The following GRM4 variants were observed in gnomAD, a reference collection of about 807,000 sequenced individuals.
GRM4 encodes the protein metabotropic glutamate receptor 4.
In GRM4, 28 loss-of-function variants were observed where a neutral mutation model predicts 81.7. The observed-to-expected ratio is 0.34, with a 90% CI of 0.25 to 0.47. GRM4 has a LOEUF of 0.47. GRM4 is among the 20% of genes least tolerant of loss of function. GRM4 has a pLI of 1.00. For synonymous variants in GRM4, 488 were observed against 528.8 expected, an observed-to-expected ratio of 0.92 and a Z score of 1.06; for missense variants, 948 against 1,290.0, an observed-to-expected ratio of 0.73 and a Z score of 4.06.
intron 2 of GRM4, among the ~76,000 whole-genome samples, chr6:34,132,294 C>T (rs768473316): frequency 2.3e-4 from 35 of 152,124 alleles, no homozygotes; most frequent in African/African-American, 6.7e-4. Flanking sequence ...AAACAGAGAC[C>T]GCCTACTCTC....
intron 3 of GRM4, among the ~76,000 whole-genome samples, chr6:34,081,430 G>A (rs9469709): frequency 0.24 from 36,836 of 152,198 alleles, 6,614 homozygotes; most frequent in African/African-American, 0.49. Flanking sequence ...ATGGGAGGCC[G>A]AGTCTCTTCA....
In GRM4 at chr6:34,068,398, C is replaced by G. The variant is rs1044357753; in HGVS notation, c.737-6370G>C. Among the ~76,000 whole-genome samples, 1 of 152,168 alleles carries G rather than the reference C, an allele frequency of 6.6e-6. No homozygotes were observed. Among genetic ancestry groups the G allele is most frequent in the African/African-American group, 2.4e-5 (1 of 41,436 alleles). ...AATTCACATTTCTGTCCTGCACGAC[C>G]TGGGGTTGTCTGAGCCTGAGGTGAG... On this transcript the variant is annotated intron_variant, in intron 3 of 10. Transcript: ENST00000538487. The surrounding 1 kb of genome is among the most constrained non-coding windows in gnomAD (Gnocchi z 4.2).
chr6:34,112,187 T>G (rs760618706), intron 2 of GRM4, among the ~76,000 whole-genome samples: 2 of 152,186 alleles, frequency 1.3e-5, no homozygotes, highest in Non-Finnish European at 2.9e-5. Context: ...CCCCCCACCT[T>G]CCATCTTAAT....
In GRM4 at chr6:34,092,164, TC is replaced by T; in HGVS notation, c.520-66del. On this transcript the variant is annotated intron_variant, in intron 2 of 10. Transcript: ENST00000538487. This position sits in a 1 kb window ranked among gnomAD's most constrained non-coding sequence, Gnocchi z 6.8. ...CCCCACCCTGCCTAGCCAGCCCCAT[TC>T]CCCTACACACCAACCTCCCTTTGGT... 1 of 1,089,632 alleles carries T rather than the reference TC, an allele frequency of 9.2e-7. No individual in the cohort carries two copies. 67.5% of individuals were successfully genotyped at this position (1,089,632 alleles called of 1,614,324 possible).
upstream of GRM4, among the ~76,000 whole-genome samples, chr6:34,149,082 T>C (rs1770996539): frequency 6.6e-6 from 1 of 152,188 alleles, no homozygotes; most frequent in Non-Finnish European, 1.5e-5. Context: ...TCCTGCTGCA[T>C]CAGATTGTTT....
Position 34,152,299 on chromosome 6 carries a change from C to G in GRM4, c.312+2780G>C, listed in dbSNP as rs10947478. ...GCATCCCACTCAGGCCACCTCCAAG[C>G]CTGGCTGCTGCGGTATCTCCAGCAC... is the stretch of plus-strand genomic sequence containing the variant. On this transcript the variant is annotated intron_variant, in intron 1 of 8. Coordinates refer to the GRM4 transcript ENST00000374177. This position sits in a 1 kb window ranked among gnomAD's most constrained non-coding sequence, Gnocchi z 4.1. Among the ~76,000 whole-genome samples, 70,328 of 152,100 alleles carry G rather than the reference C, an allele frequency of 0.46. 18,925 individuals carry two copies. Among genetic ancestry groups the G allele is most frequent in the Non-Finnish European group, 0.6 (40,742 of 67,988 alleles).
intron 2 of GRM4, chr6:34,110,982 G>A (rs753784309): frequency 1.7e-4 from 96 of 561,678 alleles, no homozygotes; most frequent in Non-Finnish European, 1.7e-4. Flanking sequence ...GGAGCCAAGC[G>A]GAGACAGGGC....
rs77536467 is a variant in GRM4, at chr6:34,032,528, C to T, written c.2442+3140G>A. On this transcript the variant is annotated intron_variant, in intron 9 of 10. Coordinates refer to ENST00000538487, the MANE Select transcript of GRM4 (RefSeq NM_000841.4). ...AGAACACATGTCCTCCACCGCCTCCCGTTCAGAGGCCCAGAGTGGGAGAGG... is the reference window on the plus strand; with the variant it reads ...AGAACACATGTCCTCCACCGCCTCCTGTTCAGAGGCCCAGAGTGGGAGAGG... Among the ~76,000 whole-genome samples the T allele has an allele frequency of 6.7e-3, 1,021 of 152,314 alleles. 8 individuals are homozygous for T. Among genetic ancestry groups the T allele is most frequent in the Middle Eastern group, 0.021 (6 of 292 alleles).
At chr6:34,044,589 CAGACACACACAT>C (rs1337828779) in intron 6 of GRM4, among the ~76,000 whole-genome samples, 63 of 151,228 alleles carry the variant, frequency 4.2e-4, no homozygotes, top group Non-Finnish European at 3.1e-4. Context: ...TACACAGACA[CAGACACACACAT>C]AGACATACAT....
chr6:34,073,414 CA>C (rs1767133398), intron 3 of GRM4, among the ~76,000 whole-genome samples: 1 of 145,256 alleles, frequency 6.9e-6, no homozygotes, highest in African/African-American at 2.7e-5. Context: ...CAGTCACATA[CA>C]CACCACACAC....
Position 34,040,085 on chromosome 6 carries a change from G to A in GRM4, c.1506+93C>T, listed in dbSNP as rs975235370. On this transcript the variant is annotated intron_variant, in intron 8 of 10. Coordinates refer to ENST00000538487, the MANE Select transcript of GRM4 (RefSeq NM_000841.4). ...CTGGCAGCAGCGGTCCTGGAGGTCAGGGCTAATCAGCAGCAGCCTCCCCTT... is the reference window on the plus strand; with the variant it reads ...CTGGCAGCAGCGGTCCTGGAGGTCAAGGCTAATCAGCAGCAGCCTCCCCTT... 100 of 1,278,802 alleles carry A rather than the reference G, an allele frequency of 7.8e-5. 1 individual carries two copies. Among genetic ancestry groups the A allele is most frequent in the Admixed American group, 2.8e-4 (16 of 57,156 alleles). 79.2% of individuals were successfully genotyped at this position (1,278,802 alleles called of 1,614,324 possible). A position where few individuals can be genotyped will look rare whatever the true frequency, so the allele number is the denominator to read the frequency against.
At chr6:34,050,904 GCA>G (rs1439072609) in intron 6 of GRM4, among the ~76,000 whole-genome samples, 1 of 152,230 alleles carries the variant, frequency 6.6e-6, no homozygotes, top group Non-Finnish European at 1.5e-5. Flanking sequence ...AGCTGGCTGG[GCA>G]CACAGTCAGG....
chr6:34,100,448 C>T (rs904038162), intron 2 of GRM4, among the ~76,000 whole-genome samples: 7 of 152,218 alleles, frequency 4.6e-5, no homozygotes, highest in East Asian at 3.8e-4. Flanking sequence ...GAACTGGCCA[C>T]GAGGCCCATG....
At chr6:34,140,086 C>G (rs138713986) in intron 1 of GRM4, among the ~76,000 whole-genome samples, 2 of 152,256 alleles carry the variant, frequency 1.3e-5, no homozygotes, top group African/African-American at 4.8e-5. Context: ...GATAAGGGGA[C>G]AGGGAATGAC....
At chr6:34,055,652 C>T (rs1168838482) in intron 6 of GRM4, 4 of 152,230 alleles carry the variant, frequency 2.6e-5, no homozygotes, top group African/African-American at 9.7e-5. Context: ...GCAGAGCCAC[C>T]CAGACCCAGG....
intron 2 of GRM4, among the ~76,000 whole-genome samples, chr6:34,124,931 G>T (rs911982733): frequency 2.0e-5 from 3 of 151,248 alleles, no homozygotes; most frequent in African/African-American, 4.9e-5. Context: ...GGCTCCAGGA[G>T]CCTCTCTAGG....
intron 6 of GRM4, among the ~76,000 whole-genome samples, chr6:34,053,620 GCCTGATTTAGGGCACCCT>G (rs1353329423): frequency 1.3e-4 from 20 of 152,182 alleles, no homozygotes; most frequent in Admixed American, 1.2e-3. Context: ...TAGGGCGCAC[GCCTGATTTAGGGCACCCT>G]CCTGATTTAG....
chr6:34,138,659 C>A (rs1293634206), intron 1 of GRM4, among the ~76,000 whole-genome samples: 2 of 152,196 alleles, frequency 1.3e-5, no homozygotes, highest in African/African-American at 2.4e-5. Context: ...ACTGTGCCAC[C>A]CCTGCCAGCT....
At chr6:34,106,090 G>A (rs939070487) in intron 2 of GRM4, 3 of 152,168 alleles carry the variant, frequency 2.0e-5, no homozygotes, top group African/African-American at 7.2e-5. Flanking sequence ...ATTAAAACCT[G>A]AGTGACACCA....
Sources: gnomAD v4.1 joint callset for allele counts (sites outside exome capture counted in the v4.1 genomes callset) on GRCh38, gnomAD v4.1.1 for gene constraint, Gnocchi (gnomAD v3.1) non-coding constraint, MANE v1.5 for transcripts, NCBI Gene and HGNC (gene_info 2026-07-23, HGNC 2026-07-21) for gene names.